NCAM2: variants seen among roughly 807,000 people sequenced by gnomAD.
NCAM2 encodes N-CAM-2.
In NCAM2, 30 loss-of-function variants were observed where a neutral mutation model predicts 98.1. The observed-to-expected ratio is 0.31, with a 90% CI of 0.23 to 0.41. The LOEUF is 0.41. Ranked by LOEUF, NCAM2 falls within the 10% of genes least tolerant of loss-of-function variation. The pLI is 1.00. For missense variants in NCAM2, 867 were observed against 1,005.8 expected (o/e 0.86, Z 1.87); for synonymous variants, 368 against 342.4 (o/e 1.07, Z -0.83).
rs1990237191 is a variant in NCAM2 at position 21,541,659 on chromosome 21, G to C, written c.*3702G>C. ...AATCAACCTTTATTTTTGGCAATAA[G>C]ATTATCACTGACGAAAATATGTACA... On this transcript the variant is annotated 3_prime_UTR_variant, in exon 18 of 18. Coordinates refer to ENST00000400546, the MANE Select transcript of NCAM2 (RefSeq NM_004540.5). The C allele has an allele frequency of 6.6e-6, 1 of 151,518 alleles. No homozygotes were observed. The highest frequency in any genetic ancestry group is 2.1e-4 in the South Asian group (1 of 4,816). 9.4% of individuals were successfully genotyped at this position (151,518 alleles called of 1,614,324 possible). A position where few individuals can be genotyped will look rare whatever the true frequency, so the allele number is the denominator to read the frequency against.
intron 9 of NCAM2, among the ~76,000 whole-genome samples, chr21:21,399,239 G>A (rs1450220497): frequency 6.6e-6 from 1 of 152,170 alleles, no homozygotes; most frequent in Admixed American, 6.5e-5. Context: ...CGTATTATGA[G>A]CGTTATTAAA....
intron 1 of NCAM2, among the ~76,000 whole-genome samples, chr21:21,137,937 T>C (rs1569064573): frequency 1.3e-5 from 2 of 151,518 alleles, no homozygotes; most frequent in Non-Finnish European, 2.9e-5. Context: ...AAGGTGACAC[T>C]GGATTTGTGT....
At chr21:21,260,852 A>G (rs141183752) in intron 1 of NCAM2, among the ~76,000 whole-genome samples, 281 of 152,222 alleles carry the variant, frequency 1.8e-3, no homozygotes, top group African/African-American at 6.7e-3. Context: ...AACCTCACAT[A>G]CCAATATTAA....
chr21:21,188,529 A>G (rs1157409313), intron 1 of NCAM2, among the ~76,000 whole-genome samples: 1 of 152,190 alleles, frequency 6.6e-6, no homozygotes, highest in Non-Finnish European at 1.5e-5. Context: ...TATTCTCTAA[A>G]GGAAGCTCTT....
intron 16 of NCAM2, among the ~76,000 whole-genome samples, chr21:21,526,835 TA>T (rs1989350001): frequency 6.6e-6 from 1 of 152,052 alleles, no homozygotes; most frequent in African/African-American, 2.4e-5. Flanking sequence ...TATACTCAAG[TA>T]AACTGACATG....
intron 10 of NCAM2, 114 bp from the exon 11 acceptor site, chr21:21,418,359 A>G (rs1473414872): frequency 5.6e-6 from 4 of 717,554 alleles, no homozygotes; most frequent in Non-Finnish European, 9.8e-6. Flanking sequence ...AATATATGGT[A>G]AGGAGTTGTT....
chr21:21,282,790 C>A lies in NCAM2; in HGVS notation c.131-1404C>A, dbSNP rs188425017. 2.2e-4 allele frequency among the ~76,000 whole-genome samples: 34 copies of A among 151,654 alleles called. No homozygotes were observed. In the East Asian group the frequency reaches 6.6e-3, roughly 29 times the overall value. ...AATCTGTACGTACAAATAGTCCAGC[C>A]TTATCAAAATGGAAAATTTTGATAG... On this transcript the variant is annotated intron_variant, in intron 2 of 17. Coordinates refer to ENST00000400546, the MANE Select transcript of NCAM2 (RefSeq NM_004540.5).
chr21:21,008,821 C>T (rs1273985230), intron 1 of NCAM2, among the ~76,000 whole-genome samples: 3 of 152,128 alleles, frequency 2.0e-5, no homozygotes, highest in Non-Finnish European at 4.4e-5. Context: ...ACTGTTAATA[C>T]TTTTGCCTTG....
chr21:21,212,749 T>G (rs564173994), intron 1 of NCAM2, among the ~76,000 whole-genome samples: 7,127 of 148,628 alleles, frequency 0.048, 604 homozygotes, highest in African/African-American at 0.17. Flanking sequence ...GTGCTTTTTT[T>G]TTTTTTTTTT....
intron 1 of NCAM2, among the ~76,000 whole-genome samples, chr21:21,110,351 C>T (rs2066430441): frequency 6.6e-6 from 1 of 151,970 alleles, no homozygotes; most frequent in Admixed American, 6.6e-5. Context: ...TTGGAGTACT[C>T]CTTGATACCT....
At chr21:21,412,926 A>G (rs1386135596) in intron 10 of NCAM2, among the ~76,000 whole-genome samples, 1 of 152,162 alleles carries the variant, frequency 6.6e-6, no homozygotes, top group Non-Finnish European at 1.5e-5. Context: ...ATATGTGCTA[A>G]TTCTTTAGAA....
intron 8 of NCAM2, among the ~76,000 whole-genome samples, chr21:21,349,677 C>T (rs2075283202): frequency 6.6e-6 from 1 of 152,108 alleles, no homozygotes; most frequent in Non-Finnish European, 1.5e-5. Context: ...TGGAAGCAAC[C>T]TAAGTGTCCA....
chr21:21,228,169 A>G (rs1293463689), intron 1 of NCAM2, among the ~76,000 whole-genome samples: 1 of 151,640 alleles, frequency 6.6e-6, no homozygotes, highest in Non-Finnish European at 1.5e-5. Flanking sequence ...ATGGCCAATT[A>G]TGGTCTCACT....
intron 8 of NCAM2, among the ~76,000 whole-genome samples, chr21:21,358,177 A>T (rs1037378527): frequency 6.6e-6 from 1 of 152,134 alleles, no homozygotes; most frequent in African/African-American, 2.4e-5. Flanking sequence ...CAAATAATCT[A>T]TATTTCCCTG....
chr21:21,002,881 G>A (rs908233969), intron 1 of NCAM2, among the ~76,000 whole-genome samples: 1 of 151,906 alleles, frequency 6.6e-6, no homozygotes, highest in Admixed American at 6.6e-5. Flanking sequence ...TTAAACTGAG[G>A]ATAGGCCTAT....
chr21:21,015,326 C>G (rs1252615031), intron 1 of NCAM2, among the ~76,000 whole-genome samples: 2 of 152,134 alleles, frequency 1.3e-5, no homozygotes, highest in South Asian at 2.1e-4. Context: ...ATTGAAAACA[C>G]CGGACATCAT....
At chr21:21,056,327 A>G (rs946066789) in intron 1 of NCAM2, among the ~76,000 whole-genome samples, 1 of 152,098 alleles carries the variant, frequency 6.6e-6, no homozygotes, top group Non-Finnish European at 1.5e-5. Flanking sequence ...ATGAGCAAAT[A>G]GATTATATTT....
chr21:21,291,030 T>C (rs1340132829), intron 4 of NCAM2, among the ~76,000 whole-genome samples: 1 of 76,664 alleles, frequency 1.3e-5, no homozygotes, highest in Non-Finnish European at 2.5e-5. Context: ...AAAAAAGCAG[T>C]ACACATTGGA....
intron 14 of NCAM2, among the ~76,000 whole-genome samples, chr21:21,472,319 CATAGG>C (rs1312408556): frequency 6.6e-6 from 1 of 151,722 alleles, no homozygotes; most frequent in Non-Finnish European, 1.5e-5. Flanking sequence ...TCTCAATGGC[CATAGG>C]ATAAGAAAGG....
Sources: gnomAD v4.1 joint callset for allele counts (sites outside exome capture counted in the v4.1 genomes callset) on GRCh38, gnomAD v4.1.1 for gene constraint, MANE v1.5 for transcripts, NCBI Gene and HGNC (gene_info 2026-07-23, HGNC 2026-07-21) for gene names.